FCRL1: variants seen among roughly 807,000 people sequenced by gnomAD.
FCRL1 encodes Fc receptor-like protein 1.
In FCRL1, 34 loss-of-function variants were observed where a neutral mutation model predicts 49.2. The ratio of observed to expected loss-of-function variants is 0.69; its 90% CI spans 0.53 to 0.92. FCRL1 has a LOEUF of 0.92. FCRL1 is among the 40% of genes least tolerant of loss of function. The pLI, the probability that FCRL1 is intolerant of heterozygous loss-of-function variation, is 0.00. For synonymous variants in FCRL1, 218 were observed against 201.6 expected (o/e 1.08, Z -0.69); for missense variants, 524 against 524.1 (o/e 1.00, Z 0.00).
rs527573224 is a variant in FCRL1, at chr1:157,795,344, G to A, written c.*755C>T. 10 of 152,134 alleles carry A rather than the reference G, an allele frequency of 6.6e-5. No homozygotes were observed. Among genetic ancestry groups the A allele is most frequent in the Non-Finnish European group, 1.2e-4 (8 of 67,992 alleles). 9.4% of individuals were successfully genotyped at this position (152,134 alleles called of 1,614,324 possible). A position where few individuals can be genotyped will look rare whatever the true frequency, so the allele number is the denominator to read the frequency against. On this transcript the variant is annotated 3_prime_UTR_variant, in exon 11 of 11. Coordinates refer to ENST00000368176, the MANE Select transcript of FCRL1 (RefSeq NM_052938.5). ...CATTCCAGATTGAGTGACAGAGTGA[G>A]ACCCTGTCTCAATTTAAAAAAAAAA...
At chr1:157,817,690 C>T (rs2101913812) in intron 1 of FCRL1, among the ~76,000 whole-genome samples, 1 of 152,002 alleles carries the variant, frequency 6.6e-6, no homozygotes, top group African/African-American at 2.4e-5. Flanking sequence ...TACACACAAC[C>T]AAAAGGCTTC....
At chr1:157,812,644 A>T (rs1033518036) in intron 1 of FCRL1, among the ~76,000 whole-genome samples, 1 of 151,852 alleles carries the variant, frequency 6.6e-6, no homozygotes, top group African/African-American at 2.4e-5. Flanking sequence ...CTTCAGAGTC[A>T]CATTCTTTGT....
chr1:157,800,284 TTAAG>T (rs1277842908), intron 6 of FCRL1, among the ~76,000 whole-genome samples, 199 bp from the exon 7 acceptor site: 16 of 152,310 alleles, frequency 1.1e-4, no homozygotes, highest in African/African-American at 3.8e-4. Flanking sequence ...TCCTGAATAA[TTAAG>T]TGAGATTCCC....
intron 1 of FCRL1, among the ~76,000 whole-genome samples, chr1:157,816,690 C>A (rs1389217969): frequency 2.0e-5 from 3 of 151,610 alleles, no homozygotes. Flanking sequence ...ATATAGAAAA[C>A]TCTAAAGACC....
At chr1:157,812,314 C>T (rs898993239) in intron 1 of FCRL1, among the ~76,000 whole-genome samples, 1 of 152,148 alleles carries the variant, frequency 6.6e-6, no homozygotes, top group East Asian at 1.9e-4. Context: ...CTCTCCAGAG[C>T]CAAAGCCACA....
At chr1:157,802,214 T>TAAGAGAC (rs1342417118) in intron 4 of FCRL1, 21 bp from the exon 5 acceptor site, 1 of 1,604,592 alleles carries the variant, frequency 6.2e-7, no homozygotes, top group Non-Finnish European at 8.5e-7. Context: ...CAGTAGACTG[T>TAAGAGAC]AAGAGACAGT....
At chr1:157,817,243 G>T (rs1358862628) in intron 1 of FCRL1, among the ~76,000 whole-genome samples, 2 of 141,222 alleles carry the variant, frequency 1.4e-5, no homozygotes, top group African/African-American at 5.4e-5. Flanking sequence ...AAAAGCTTCA[G>T]GTATTATACT....
chr1:157,795,341 T>G lies in FCRL1; in HGVS notation c.*758A>C, dbSNP rs1481795771. ...CTGCATTCCAGATTGAGTGACAGAG[T>G]GAGACCCTGTCTCAATTTAAAAAAA... On this transcript the variant is annotated 3_prime_UTR_variant, in exon 11 of 11. Coordinates refer to ENST00000368176, the MANE Select transcript of FCRL1 (RefSeq NM_052938.5). The G allele has an allele frequency of 2.0e-5, 3 of 151,954 alleles. No individual in the cohort carries two copies. Among genetic ancestry groups the G allele is most frequent in the Non-Finnish European group, 4.4e-5 (3 of 67,992 alleles). 9.4% of individuals were successfully genotyped at this position (151,954 alleles called of 1,614,324 possible). A position where few individuals can be genotyped will look rare whatever the true frequency, so the allele number is the denominator to read the frequency against.
At chr1:157,817,194 C>G (rs1173245860) in intron 1 of FCRL1, among the ~76,000 whole-genome samples, 1 of 151,640 alleles carries the variant, frequency 6.6e-6, no homozygotes, top group Non-Finnish European at 1.5e-5. Context: ...AATAAACAAA[C>G]AGAAAACCCT....
chr1:157,798,019 C>G, intron 8 of FCRL1, 80 bp from the exon 9 acceptor site: 1 of 1,534,884 alleles, frequency 6.5e-7, no homozygotes, highest in Non-Finnish European at 9.0e-7. Context: ...CCACCTGTCA[C>G]AGCCATGAAG....
intron 1 of FCRL1, among the ~76,000 whole-genome samples, chr1:157,816,133 C>A (rs1464773423): frequency 2.6e-5 from 4 of 151,904 alleles, no homozygotes; most frequent in Non-Finnish European, 4.4e-5. Flanking sequence ...CAAAACCAGA[C>A]AAAAACACAA....
chr1:157,803,223 T>C (rs926594278), intron 3 of FCRL1, among the ~76,000 whole-genome samples: 1 of 152,218 alleles, frequency 6.6e-6, no homozygotes, highest in East Asian at 1.9e-4. Flanking sequence ...TTCACCAGTA[T>C]TGAGTTTTTA....
rs1411523931 is a variant in FCRL1 at position 157,794,878 on chromosome 1, AGATCTATT to A, written c.*1213_*1220del. On this transcript the variant is annotated 3_prime_UTR_variant, in exon 11 of 11. Coordinates refer to ENST00000368176, the MANE Select transcript of FCRL1 (RefSeq NM_052938.5). Reference sequence around the variant, plus strand: ...ATAGAGACTTTTAAAATAGTATAATAGATCTATTTACAGATTTGAAAGTATTTCATAAT... The same window carrying A: ...ATAGAGACTTTTAAAATAGTATAATATACAGATTTGAAAGTATTTCATAAT... 6.6e-6 allele frequency: 1 copy of A among 152,232 alleles called. No individual in the cohort carries two copies. Among genetic ancestry groups the A allele is most frequent in the Non-Finnish European group, 1.5e-5 (1 of 68,042 alleles). 9.4% of individuals were successfully genotyped at this position (152,232 alleles called of 1,614,324 possible). A position where few individuals can be genotyped will look rare whatever the true frequency, so the allele number is the denominator to read the frequency against.
At chr1:157,803,027 G>A (rs937976339) in intron 3 of FCRL1, among the ~76,000 whole-genome samples, 2 of 152,116 alleles carry the variant, frequency 1.3e-5, no homozygotes, top group Non-Finnish European at 2.9e-5. Flanking sequence ...TCTTTTACTC[G>A]TTGTGTGTGC....
At chr1:157,797,550 T>C (rs1651714725) in intron 9 of FCRL1, 3 of 608,534 alleles carry the variant, frequency 4.9e-6, no homozygotes, top group Admixed American at 2.9e-5. Context: ...CAATGACACC[T>C]TATTGTAACT....
chr1:157,811,213 C>T (rs1386991773), intron 1 of FCRL1, among the ~76,000 whole-genome samples: 1 of 152,136 alleles, frequency 6.6e-6, no homozygotes, highest in African/African-American at 2.4e-5. Flanking sequence ...TACTCATCCT[C>T]CTCCCCGCCT....
Position 157,802,073 on chromosome 1 carries a change from TAAAACCAGTACAGG to T in FCRL1, c.714_727del (p.Leu239SerfsTer25), listed in dbSNP as rs1178227799. The T allele has an allele frequency of 6.2e-7, 1 of 1,614,040 alleles. No homozygotes were observed. The highest frequency in any genetic ancestry group is 8.5e-7 in the Non-Finnish European group (1 of 1,180,024). On this transcript the variant is annotated frameshift_variant, in exon 5 of 11. Transcript: ENST00000368176. LOFTEE classifies it high-confidence loss of function. ...GCTCCCCAGGGTGATATCCTCGTGA[TAAAACCAGTACAGG>T]ATCGGAGGAGAGCCTCTCAGGGCCT...
At chr1:157,810,304 T>TC (rs1654122323) in intron 1 of FCRL1, among the ~76,000 whole-genome samples, 2 of 148,914 alleles carry the variant, frequency 1.3e-5, no homozygotes, top group African/African-American at 2.5e-5. Context: ...TTTTTTCTTT[T>TC]TTTTTTTTTT....
At chr1:157,803,030 G>T (rs1275376238) in intron 3 of FCRL1, among the ~76,000 whole-genome samples, 1 of 152,206 alleles carries the variant, frequency 6.6e-6, no homozygotes, top group African/African-American at 2.4e-5. Flanking sequence ...TTTACTCGTT[G>T]TGTGTGCTTG....
Sources: gnomAD v4.1 joint callset for allele counts (sites outside exome capture counted in the v4.1 genomes callset) on GRCh38, gnomAD v4.1.1 for gene constraint, MANE v1.5 for transcripts, NCBI Gene and HGNC (gene_info 2026-07-23, HGNC 2026-07-21) for gene names.